The following DDX24 variants were observed in gnomAD, a reference collection of about 807,000 sequenced individuals.
DDX24 encodes the protein DEAD-box helicase 24.
A neutral mutation model predicts 68.9 loss-of-function variants in DDX24; 24 were observed. The ratio of observed to expected loss-of-function variants is 0.35; its 90% CI spans 0.25 to 0.49. The LOEUF (loss-of-function observed/expected upper bound fraction) is 0.49. Among genes scored for constraint, DDX24 ranks in the 20% least tolerant of loss-of-function variants. The pLI, the probability that DDX24 is intolerant of heterozygous loss-of-function variation, is 0.99. For missense variants in DDX24, 989 were observed against 1,039.0 expected (o/e 0.95, Z 0.66); for synonymous variants, 395 against 385.2 (o/e 1.03, Z -0.30).
At position 94,049,497 on chromosome 14, in the gene DDX24, C is replaced by T. The variant is rs1358945585; in HGVS notation, c.*1694G>A. The T allele has an allele frequency of 6.6e-6, 1 of 152,210 alleles. No homozygotes were observed. The highest frequency in any genetic ancestry group is 1.9e-4 in the East Asian group (1 of 5,204). 9.4% of individuals were successfully genotyped at this position (152,210 alleles called of 1,614,324 possible). ...TAGTTTTCTGAACTTGTCCTGGGCC[C>T]AGAAGGAAGATACTAATCCCACCTC... On this transcript the variant is annotated 3_prime_UTR_variant, in exon 9 of 9. Coordinates refer to ENST00000621632, the MANE Select transcript of DDX24 (RefSeq NM_020414.4).
At chr14:94,053,358 CTTTTTTTTTTTT>C (rs1160011824) in intron 7 of DDX24, 165 of 124,654 alleles carry the variant, frequency 1.3e-3, no homozygotes, top group Middle Eastern at 3.0e-3. Flanking sequence ...TAGGTAATTT[CTTTTTTTTTTTT>C]TTTTTTTTTT....
rs1446761247 is a variant in DDX24 at position 94,079,513 on chromosome 14, T to C, written c.230A>G (p.Lys77Arg). The stretch of plus-strand genomic sequence containing the variant: ...CTCTTCTTCTGAAACAGCTTGTGCC[T>C]TTCTCTTGGGTGCTTCCTTTGAGAA... ...SLFSKEAPKRKAQAVSEEEEE... is the reference protein window; with the variant it reads ...SLFSKEAPKRRAQAVSEEEEE... Residue 77 changes from lysine to arginine, a missense_variant, in exon 2 of 9, where the codon AAG (lysine) becomes AGG (arginine). Coordinates refer to ENST00000621632, the MANE Select transcript of DDX24 (RefSeq NM_020414.4). 7 of 1,614,092 alleles carry C rather than the reference T, an allele frequency of 4.3e-6. No individual in the cohort carries two copies. The highest frequency in any genetic ancestry group is 5.9e-6 in the Non-Finnish European group (7 of 1,180,058).
Position 94,062,330 on chromosome 14 carries a change from G to C in DDX24, c.1010C>G (p.Ala337Gly), listed in dbSNP as rs371016497. ...DQALLFGDDDAGEGPSSLIRE... is the reference protein window; with the variant it reads ...DQALLFGDDDGGEGPSSLIRE... ...GATCAGGGAAGAAGGCCCTTCACCAGCATCATCGTCACCAAAGAGCAACGC... is the reference window on the plus strand; with the variant it reads ...GATCAGGGAAGAAGGCCCTTCACCACCATCATCGTCACCAAAGAGCAACGC... Residue 337 changes from alanine to glycine, a missense_variant, in exon 3 of 9, where the codon GCT (alanine) becomes GGT (glycine). Ala to Gly is a moderately conservative substitution (Grantham distance 60). Coordinates refer to ENST00000621632, the MANE Select transcript of DDX24 (RefSeq NM_020414.4). 3 of 1,614,234 alleles carry C rather than the reference G, an allele frequency of 1.9e-6. No individual in the cohort carries two copies. Among genetic ancestry groups the C allele is most frequent in the Non-Finnish European group, 2.5e-6 (3 of 1,180,038 alleles).
intron 2 of DDX24, among the ~76,000 whole-genome samples, chr14:94,076,439 T>C (rs1412139989): frequency 1.3e-5 from 2 of 151,994 alleles, no homozygotes; most frequent in Non-Finnish European, 2.9e-5. Flanking sequence ...TCCCAGCACT[T>C]TGGGAGGCCG....
In DDX24 at chr14:94,060,166, C is replaced by A. The variant is rs1422107057; in HGVS notation, c.1845G>T (p.Leu615Phe). Residue 615 changes from leucine (L) to phenylalanine (F), a missense_variant, in exon 5 of 9, where the codon TTG (leucine) becomes TTT (phenylalanine). Leu to Phe is a conservative substitution (Grantham distance 22). Coordinates refer to ENST00000621632, the MANE Select transcript of DDX24 (RefSeq NM_020414.4). The stretch of plus-strand genomic sequence containing the variant: ...TCTGGTGCATACAGGCATGCAGGGT[C>A]AAGGGCATGATATCAAGGACTTTGA... ...GLLKVLDIMP[L>F]TLHACMHQKQ... is the part of the protein sequence containing the mutation. The A allele has an allele frequency of 2.5e-6, 4 of 1,614,050 alleles. No individual in the cohort carries two copies. Among genetic ancestry groups the A allele is most frequent in the Non-Finnish European group, 3.4e-6 (4 of 1,180,052 alleles).
At chr14:94,068,758 T>C (rs1885760419) in intron 2 of DDX24, among the ~76,000 whole-genome samples, 1 of 152,212 alleles carries the variant, frequency 6.6e-6, no homozygotes, top group South Asian at 2.1e-4. Flanking sequence ...TGCTCCTGAA[T>C]GAGCATTGGG....
chr14:94,051,020 C>T lies in DDX24; in HGVS notation c.*171G>A, dbSNP rs916445995. 7.5e-6 allele frequency: 5 copies of T among 665,784 alleles called. No individual in the cohort carries two copies. The Admixed American group carries it at 1.8e-4, about 24-fold the overall frequency. The allele number at this position is 665,784 out of a possible 1,614,324, so 41.2% of individuals were successfully genotyped here. A position where few individuals can be genotyped will look rare whatever the true frequency, so the allele number is the denominator to read the frequency against. On this transcript the variant is annotated 3_prime_UTR_variant, in exon 9 of 9. Coordinates refer to ENST00000621632, the MANE Select transcript of DDX24 (RefSeq NM_020414.4). Reference sequence around the variant, plus strand: ...ATTAAGCTGCTGCATTGAATTCTTACTCCAAAACAATGCAAATCTGCATGA... The same window carrying T: ...ATTAAGCTGCTGCATTGAATTCTTATTCCAAAACAATGCAAATCTGCATGA...
chr14:94,061,100 A>C (rs1885588177), intron 3 of DDX24, 34 bp from the exon 4 acceptor site: 2 of 1,608,154 alleles, frequency 1.2e-6, no homozygotes, highest in Non-Finnish European at 1.7e-6. Flanking sequence ...ACACTTATTC[A>C]ATCTGGGTGA....
chr14:94,058,025 CT>C, intron 5 of DDX24, 128 bp from the exon 6 acceptor site: 2 of 823,852 alleles, frequency 2.4e-6, no homozygotes, highest in Non-Finnish European at 3.7e-6. Context: ...CTTGTATACC[CT>C]TTTACAGAAA....
chr14:94,056,323 T>C (rs1471874797), intron 6 of DDX24: 1 of 152,216 alleles, frequency 6.6e-6, no homozygotes, highest in African/African-American at 2.4e-5. Context: ...TGGGGGCTGG[T>C]CACCAGAAAG....
chr14:94,074,344 T>G (rs917321302), intron 2 of DDX24, among the ~76,000 whole-genome samples: 1 of 152,056 alleles, frequency 6.6e-6, no homozygotes, highest in Non-Finnish European at 1.5e-5. Flanking sequence ...GCAAATCAAA[T>G]CCAACAAAAT....
Position 94,068,607 on chromosome 14 carries a change from T to C in DDX24, c.719-5986A>G, listed in dbSNP as rs540990215. Among the ~76,000 whole-genome samples, 4 of 152,320 alleles carry C rather than the reference T, an allele frequency of 2.6e-5. No homozygotes were observed. The East Asian group carries it at 5.8e-4, about 22-fold the overall frequency. On this transcript the variant is annotated intron_variant, in intron 2 of 8. Coordinates refer to ENST00000621632, the MANE Select transcript of DDX24 (RefSeq NM_020414.4). The stretch of plus-strand genomic sequence containing the variant: ...ACTTTCTCCAAGATAGACCATATGA[T>C]AGGCCATAAAATGAGCCTCAATAAA...
rs772628573 is a variant in DDX24, at chr14:94,055,069, A to G, written c.2105T>C (p.Ile702Thr). Residue 702 changes from isoleucine (I) to threonine (T), a missense_variant, in exon 7 of 9, where the codon ATT becomes ACT. Physicochemically the swap from Ile to Thr is moderately conservative, Grantham distance 89. Around this residue, in one of 3 missense-constraint regions of DDX24, gnomAD observed 691 missense variants for 760.0 expected, o/e 0.91. Transcript: ENST00000621632. ...CTCATCTTTCTTGAGCGTTTTGTAA[A>G]TCTTCTTAAAGTTGATCACATCCTC... ...GPEDVINFKK[I>T]YKTLKKDEDI... 19 of 1,614,026 alleles carry G rather than the reference A, an allele frequency of 1.2e-5. No individual in the cohort carries two copies. In the African/African-American group the frequency reaches 2.0e-4, roughly 17 times the overall value.
chr14:94,078,848 G>T, intron 2 of DDX24, 177 bp downstream of exon 2: 1 of 659,058 alleles, frequency 1.5e-6, no homozygotes, highest in South Asian at 2.0e-5. Context: ...ATCTGGCTAG[G>T]ATACCATTCA....
Position 94,060,397 on chromosome 14 carries a change from A to G in DDX24, c.1614T>C (p.Leu538=), listed in dbSNP as rs1342168038. 1 of 1,614,030 alleles carries G rather than the reference A, an allele frequency of 6.2e-7. No homozygotes were observed. The highest frequency in any genetic ancestry group is 8.5e-7 in the Non-Finnish European group (1 of 1,180,034). The stretch of plus-strand genomic sequence containing the variant: ...TGCCCCTCATGCCAATTTTCTGCAT[A>G]AGGAGGTCAAGTTTGGCTGTTTTAT... ...KMDKTAKLDL[L]MQKIGMRGKP... Residue 538 remains leucine (L), a synonymous_variant, in exon 5 of 9, where the codon CTT becomes CTC. Coordinates refer to ENST00000621632, the MANE Select transcript of DDX24 (RefSeq NM_020414.4).
Position 94,081,126 on chromosome 14 carries a change from A to G in DDX24, c.-13T>C, listed in dbSNP as rs1047718360. The G allele has an allele frequency of 6.6e-6, 1 of 152,234 alleles. No individual in the cohort carries two copies. The highest frequency in any genetic ancestry group is 1.5e-5 in the Non-Finnish European group (1 of 68,072). The allele number at this position is 152,234 out of a possible 1,614,324, so 9.4% of individuals were successfully genotyped here. On this transcript the variant is annotated 5_prime_UTR_variant, in exon 1 of 9. Coordinates refer to ENST00000621632, the MANE Select transcript of DDX24 (RefSeq NM_020414.4). ...GCTCGTTTTGGTACTCACCGTGTGG[A>G]GACGCCACCGCAGCTCCGTCAGTCG...
At position 94,053,134 on chromosome 14, in the gene DDX24, G is replaced by A. The variant is rs1162465617; in HGVS notation, c.2179-7C>T. The A allele has an allele frequency of 1.2e-6, 2 of 1,613,842 alleles. No individual in the cohort carries two copies. Among genetic ancestry groups the A allele is most frequent in the African/African-American group, 1.3e-5 (1 of 74,988 alleles). On this transcript the variant is annotated splice_region_variant and splice_polypyrimidine_tract_variant and intron_variant, in intron 7 of 8. Coordinates refer to ENST00000621632, the MANE Select transcript of DDX24 (RefSeq NM_020414.4). ...GAGCTAAACGGATTCGCTCCTGGGG[G>A]GAAGTAACAGAAAATATTCATCTGA...
At chr14:94,076,867 G>A (rs1885951791) in intron 2 of DDX24, among the ~76,000 whole-genome samples, 1 of 151,852 alleles carries the variant, frequency 6.6e-6, no homozygotes, top group Non-Finnish European at 1.5e-5. Context: ...TGAAGGTAGG[G>A]GTCCACTTAT....
chr14:94,076,049 T>C (rs1306404358), intron 2 of DDX24, among the ~76,000 whole-genome samples: 1 of 152,192 alleles, frequency 6.6e-6, no homozygotes, highest in Non-Finnish European at 1.5e-5. Flanking sequence ...ATAATCACTT[T>C]GGAAAACTCT....
Sources: allele counts gnomAD v4.1 joint callset (sites outside exome capture counted in the v4.1 genomes callset), GRCh38; gene constraint gnomAD v4.1.1; regional missense constraint gnomAD v4.1.1; transcripts MANE v1.5; gene names NCBI Gene and HGNC (gene_info 2026-07-23, HGNC 2026-07-21).